The following HCN1 variants were observed in gnomAD, a reference collection of about 807,000 sequenced individuals.
The protein encoded by HCN1 is hyperpolarization activated cyclic nucleotide gated potassium channel 1, also known as potassium/sodium hyperpolarization-activated cyclic nucleotide-gated channel 1.
In HCN1, 13 loss-of-function variants were observed where a neutral mutation model predicts 78.9. That is an observed-to-expected ratio of 0.16 (90% CI 0.11 to 0.26). The LOEUF is 0.26. Among genes scored for constraint, HCN1 ranks in the 10% least tolerant of loss-of-function variants. The pLI is 1.00. For missense variants in HCN1, 810 were observed against 1,154.3 expected, an observed-to-expected ratio of 0.70 and a Z score of 4.32; for synonymous variants, 552 against 455.5, an observed-to-expected ratio of 1.21 and a Z score of -2.70.
At chr5:45,679,540 C>A (rs1297965783) in intron 1 of HCN1, among the ~76,000 whole-genome samples, 2 of 151,942 alleles carry the variant, frequency 1.3e-5, no homozygotes, top group Non-Finnish European at 2.9e-5. Context: ...TAGAAGCATG[C>A]ATTTCAATAA....
At chr5:45,409,798 T>C (rs13162651) in intron 3 of HCN1, among the ~76,000 whole-genome samples, 75,664 of 151,452 alleles carry the variant, frequency 0.5, 20,232 homozygotes, top group African/African-American at 0.69. Flanking sequence ...TTTTTATAAG[T>C]ACACTGAATT....
chr5:45,317,980 G>A (rs1378213214), intron 5 of HCN1, among the ~76,000 whole-genome samples: 2 of 152,044 alleles, frequency 1.3e-5, no homozygotes, highest in Non-Finnish European at 2.9e-5. Flanking sequence ...CTGTAAACTA[G>A]TTCAACCATT....
chr5:45,334,580 TC>T lies in HCN1; in HGVS notation c.1377+18519del, dbSNP rs369210213. On this transcript the variant is annotated intron_variant, in intron 5 of 7. Transcript: ENST00000303230. The stretch of plus-strand genomic sequence containing the variant: ...TTTCTCCAAGAATATAGTAAGTACT[TC>T]CTTTGAGACTGAAAAATCACATCTT... Among the ~76,000 whole-genome samples, 80 of 152,070 alleles carry T rather than the reference TC, an allele frequency of 5.3e-4. 1 individual carries two copies. The East Asian group carries it at 5.8e-3, about 11-fold the overall frequency.
chr5:45,594,771 A>AT (rs1195047130), intron 2 of HCN1, among the ~76,000 whole-genome samples: 1 of 152,170 alleles, frequency 6.6e-6, no homozygotes, highest in African/African-American at 2.4e-5. Flanking sequence ...CATTAACCAA[A>AT]TTCATCACTT....
intron 2 of HCN1, among the ~76,000 whole-genome samples, chr5:45,584,207 G>A (rs1463072331): frequency 1.3e-5 from 2 of 152,242 alleles, no homozygotes; most frequent in South Asian, 2.1e-4. Context: ...ATGAATCTGG[G>A]TGCTCCTGTA....
At chr5:45,285,981 C>T (rs563870527) in intron 6 of HCN1, among the ~76,000 whole-genome samples, 8 of 151,558 alleles carry the variant, frequency 5.3e-5, no homozygotes, top group South Asian at 2.1e-4. Context: ...CAAACACACA[C>T]GGAAAATTTG....
At chr5:45,628,384 C>T (rs552822958) in intron 2 of HCN1, among the ~76,000 whole-genome samples, 2 of 152,098 alleles carry the variant, frequency 1.3e-5, no homozygotes, top group East Asian at 1.9e-4. Flanking sequence ...GTTGTAAACT[C>T]TTTCATAAAG....
At chr5:45,459,661 G>A (rs1288909870) in intron 3 of HCN1, among the ~76,000 whole-genome samples, 12 of 151,968 alleles carry the variant, frequency 7.9e-5, no homozygotes. Flanking sequence ...ACTACCATAT[G>A]TACTTTATAG....
chr5:45,628,428 A>C (rs146665832), intron 2 of HCN1, among the ~76,000 whole-genome samples: 2 of 152,306 alleles, frequency 1.3e-5, no homozygotes, highest in East Asian at 3.9e-4. Flanking sequence ...AAAAATCACA[A>C]AGGAAAAGAT....
intron 2 of HCN1, 127 bp from the exon 3 acceptor site, chr5:45,462,134 G>T: frequency 1.4e-6 from 1 of 731,960 alleles, no homozygotes; most frequent in South Asian, 1.8e-5. Context: ...GGAATAACTT[G>T]CAGAAATAGA....
At chr5:45,431,530 T>C (rs918785355) in intron 3 of HCN1, among the ~76,000 whole-genome samples, 2 of 152,204 alleles carry the variant, frequency 1.3e-5, no homozygotes, top group Non-Finnish European at 2.9e-5. Context: ...CAGAATGGTA[T>C]TTCCTAGGTT....
chr5:45,523,301 T>A (rs1005585511), intron 2 of HCN1, among the ~76,000 whole-genome samples: 2 of 152,170 alleles, frequency 1.3e-5, no homozygotes, highest in African/African-American at 4.8e-5. Context: ...CTATTGTGAA[T>A]AGTGCCACAA....
rs1393176147 is a variant in HCN1 at position 45,374,301 on chromosome 5, G to A, written c.1231-21055C>T. Among the ~76,000 whole-genome samples the A allele has an allele frequency of 9.1e-4, 113 of 123,870 alleles. 1 individual carries two copies. Among genetic ancestry groups the A allele is most frequent in the East Asian group, 8.9e-3 (40 of 4,516 alleles). The allele number at this position is 123,870 out of a possible 152,430, so 81.3% of individuals were successfully genotyped here. ...ATACATTATATACATTATATATATT[G>A]TATACATTATATACATTATATACAT... On this transcript the variant is annotated intron_variant, in intron 4 of 7. Coordinates refer to ENST00000303230, the MANE Select transcript of HCN1 (RefSeq NM_021072.4).
chr5:45,332,185 A>C (rs1746358475), intron 5 of HCN1, among the ~76,000 whole-genome samples: 1 of 151,246 alleles, frequency 6.6e-6, no homozygotes, highest in South Asian at 2.1e-4. Context: ...CTTTTCTTAA[A>C]ATTTTTTTGT....
At chr5:45,485,186 T>C (rs948837955) in intron 2 of HCN1, among the ~76,000 whole-genome samples, 3 of 152,228 alleles carry the variant, frequency 2.0e-5, no homozygotes, top group Non-Finnish European at 4.4e-5. Context: ...GATTGGTTTG[T>C]ATTATAATGT....
chr5:45,543,678 T>A (rs1050884363), intron 2 of HCN1, among the ~76,000 whole-genome samples: 1 of 152,076 alleles, frequency 6.6e-6, no homozygotes, highest in African/African-American at 2.4e-5. Flanking sequence ...ACAGCTTCCA[T>A]ACAATGTGTA....
Position 45,257,972 on chromosome 5 carries a change from G to T in HCN1, c.*3949C>A, listed in dbSNP as rs1291445163. 3 of 141,692 alleles carry T rather than the reference G, an allele frequency of 2.1e-5. No individual in the cohort carries two copies. The highest frequency in any genetic ancestry group is 4.5e-5 in the Non-Finnish European group (3 of 67,112). 8.8% of individuals were successfully genotyped at this position (141,692 alleles called of 1,614,324 possible). A position where few individuals can be genotyped will look rare whatever the true frequency, so the allele number is the denominator to read the frequency against. On this transcript the variant is annotated 3_prime_UTR_variant, in exon 8 of 8. Transcript: ENST00000303230. ...ACAGTATGAGTACTTTTTAAAGTAGGTGAACATAAAATAAAAGTTTGCTAG... is the reference window on the plus strand; with the variant it reads ...ACAGTATGAGTACTTTTTAAAGTAGTTGAACATAAAATAAAAGTTTGCTAG...
At chr5:45,538,374 T>C (rs1743012336) in intron 2 of HCN1, among the ~76,000 whole-genome samples, 1 of 152,190 alleles carries the variant, frequency 6.6e-6, no homozygotes, top group South Asian at 2.1e-4. Flanking sequence ...GAAGCATGTA[T>C]TGTATAACAG....
At chr5:45,639,580 C>T (rs1241575920) in intron 2 of HCN1, among the ~76,000 whole-genome samples, 1 of 152,044 alleles carries the variant, frequency 6.6e-6, no homozygotes, top group African/African-American at 2.4e-5. Flanking sequence ...AAATTGAAAC[C>T]TCCAATATAA....
Sources: gnomAD v4.1 joint callset for allele counts (sites outside exome capture counted in the v4.1 genomes callset) on GRCh38, gnomAD v4.1.1 for gene constraint, MANE v1.5 for transcripts, NCBI Gene and HGNC (gene_info 2026-07-23, HGNC 2026-07-21) for gene names.